NRXN1: variants seen among roughly 807,000 people sequenced by gnomAD.
NRXN1 encodes the protein neurexin 1.
NRXN1 carries 39 observed loss-of-function variants against 150.9 expected under a neutral mutation model. That is an observed-to-expected ratio of 0.26 (90% CI 0.20 to 0.34). The LOEUF is 0.34. Ranked by LOEUF, NRXN1 falls within the 10% of genes least tolerant of loss-of-function variation. The probability of loss-of-function intolerance (pLI) is 1.00; values close to 1 mark genes in which losing one functional copy is unlikely to be tolerated. For missense variants in NRXN1, 1,815 were observed against 1,949.9 expected, an observed-to-expected ratio of 0.93 and a Z score of 1.30; for synonymous variants, 924 against 757.0, an observed-to-expected ratio of 1.22 and a Z score of -3.62.
At chr2:50,646,159 T>C (rs1227609867) in intron 5 of NRXN1, among the ~76,000 whole-genome samples, 1 of 151,938 alleles carries the variant, frequency 6.6e-6, no homozygotes, top group East Asian at 1.9e-4. Context: ...GGTAATATAC[T>C]ATTAGGTTGG....
chr2:50,684,125 T>G (rs1024978255), intron 5 of NRXN1, among the ~76,000 whole-genome samples: 8 of 152,154 alleles, frequency 5.3e-5, no homozygotes, highest in African/African-American at 1.9e-4. Flanking sequence ...TAAACTAGAT[T>G]AACACTGATG....
chr2:50,281,390 G>T (rs1017409591), intron 17 of NRXN1, among the ~76,000 whole-genome samples: 1 of 151,944 alleles, frequency 6.6e-6, no homozygotes, highest in Non-Finnish European at 1.5e-5. Flanking sequence ...TGTCCTTTTT[G>T]TTTGAAACAT....
chr2:50,908,472 C>T (rs1384093948), intron 5 of NRXN1, among the ~76,000 whole-genome samples: 2 of 151,848 alleles, frequency 1.3e-5, no homozygotes, highest in Non-Finnish European at 2.9e-5. Context: ...CTATGCCTTG[C>T]TCAGATACCC....
chr2:50,824,752 A>G (rs1670214819), intron 5 of NRXN1, among the ~76,000 whole-genome samples: 1 of 152,202 alleles, frequency 6.6e-6, no homozygotes, highest in Non-Finnish European at 1.5e-5. Flanking sequence ...AGGCTAAAAC[A>G]GACCAGCCTA....
At chr2:50,294,903 G>A (rs1364533280) in intron 17 of NRXN1, among the ~76,000 whole-genome samples, 1 of 152,164 alleles carries the variant, frequency 6.6e-6, no homozygotes, top group Non-Finnish European at 1.5e-5. Flanking sequence ...ATCCCTATCA[G>A]TCGATGGAGG....
At position 50,506,765 on chromosome 2, in the gene NRXN1, A is replaced by G. The variant is rs1326169082; in HGVS notation, c.2375-148T>C. 4 of 818,114 alleles carry G rather than the reference A, an allele frequency of 4.9e-6. No homozygotes were observed. The South Asian group carries it at 6.3e-5, about 13-fold the overall frequency. The allele number at this position is 818,114 out of a possible 1,614,324, so 50.7% of individuals were successfully genotyped here. A position where few individuals can be genotyped will look rare whatever the true frequency, so the allele number is the denominator to read the frequency against. ...AGGAAGAAAGAGAGAGAGGAGGGAG[A>G]GAAAGGAAACAGAGAAGAGGCGGGC... On this transcript the variant is annotated intron_variant, in intron 12 of 22. Coordinates refer to ENST00000401669, the MANE Select transcript of NRXN1 (RefSeq NM_001330078.2).
Position 49,929,189 on chromosome 2 carries a change from G to A in NRXN1, c.4217-6938C>T, listed in dbSNP as rs1669682750. On this transcript the variant is annotated intron_variant, in intron 22 of 22. Transcript: ENST00000401669. ...ACTCATCATGTGCCTGCATGATGGAGAAACCCAACTAGGACAGGCTGCTAC... is the reference window on the plus strand; with the variant it reads ...ACTCATCATGTGCCTGCATGATGGAAAAACCCAACTAGGACAGGCTGCTAC... 2.0e-5 allele frequency among the ~76,000 whole-genome samples: 3 copies of A among 152,100 alleles called. No homozygotes were observed. In the South Asian group the frequency reaches 6.2e-4, roughly 32 times the overall value.
At chr2:50,527,777 T>C (rs563322705) in intron 12 of NRXN1, among the ~76,000 whole-genome samples, 4 of 152,088 alleles carry the variant, frequency 2.6e-5, no homozygotes, top group South Asian at 2.1e-4. Flanking sequence ...GTTTTGAGAA[T>C]AGAAAAAAAT....
chr2:50,671,101 T>G (rs1412778043), intron 5 of NRXN1, among the ~76,000 whole-genome samples: 1 of 151,852 alleles, frequency 6.6e-6, no homozygotes. Context: ...TAATTCAAAA[T>G]GTGTAACTTA....
chr2:49,978,570 G>A (rs1468717231), intron 21 of NRXN1, among the ~76,000 whole-genome samples: 1 of 152,146 alleles, frequency 6.6e-6, no homozygotes, highest in Non-Finnish European at 1.5e-5. Flanking sequence ...AGAGCCAGCT[G>A]GAGGACTAGG....
intron 17 of NRXN1, among the ~76,000 whole-genome samples, chr2:50,433,057 A>G (rs565647917): frequency 6.6e-6 from 1 of 152,212 alleles, no homozygotes; most frequent in African/African-American, 2.4e-5. Flanking sequence ...TGATACATAG[A>G]AGGAAACACC....
intron 9 of NRXN1, among the ~76,000 whole-genome samples, chr2:50,547,052 A>G (rs975204308): frequency 6.6e-6 from 1 of 152,212 alleles, no homozygotes; most frequent in African/African-American, 2.4e-5. Context: ...CACATCAAAC[A>G]GTGATTACTA....
chr2:50,214,702 A>G (rs1267289463), intron 18 of NRXN1, among the ~76,000 whole-genome samples: 1 of 152,044 alleles, frequency 6.6e-6, no homozygotes, highest in African/African-American at 2.4e-5. Flanking sequence ...GATTTCATGC[A>G]GAAGTCATAA....
chr2:50,886,586 G>T (rs1453100278), intron 5 of NRXN1, among the ~76,000 whole-genome samples: 1 of 151,416 alleles, frequency 6.6e-6, no homozygotes, highest in Non-Finnish European at 1.5e-5. Flanking sequence ...AGGCCAAAGG[G>T]AAGTTATTTG....
intron 2 of NRXN1, among the ~76,000 whole-genome samples, chr2:50,993,207 A>G (rs1698795891): frequency 6.6e-6 from 1 of 151,934 alleles, no homozygotes; most frequent in Non-Finnish European, 1.5e-5. Flanking sequence ...TAGTCATTCA[A>G]TATTTATATT....
chr2:50,901,990 T>C (rs193198698), intron 5 of NRXN1, among the ~76,000 whole-genome samples: 34 of 152,272 alleles, frequency 2.2e-4, no homozygotes, highest in African/African-American at 7.7e-4. Context: ...TACTTGCTTC[T>C]ATACCAAACT....
At chr2:50,228,555 T>C (rs1644528898) in intron 18 of NRXN1, among the ~76,000 whole-genome samples, 1 of 151,950 alleles carries the variant, frequency 6.6e-6, no homozygotes, top group African/African-American at 2.4e-5. Context: ...ATTAGTATGG[T>C]AGTGACAGAA....
At chr2:50,178,395 A>G (rs200004856) in intron 18 of NRXN1, among the ~76,000 whole-genome samples, 2 of 152,036 alleles carry the variant, frequency 1.3e-5, no homozygotes, top group East Asian at 3.9e-4. Context: ...AGGACAGTCC[A>G]TGATAAATGT....
At chr2:50,239,777 A>C (rs1159954903) in intron 17 of NRXN1, among the ~76,000 whole-genome samples, 1 of 140,352 alleles carries the variant, frequency 7.1e-6, no homozygotes, top group East Asian at 2.2e-4. Flanking sequence ...ATTGGATGTC[A>C]GTCTGAATTT....
Sources: allele counts gnomAD v4.1 joint callset (sites outside exome capture counted in the v4.1 genomes callset), GRCh38; gene constraint gnomAD v4.1.1; transcripts MANE v1.5; gene names NCBI Gene and HGNC (gene_info 2026-07-23, HGNC 2026-07-21).